SPATA13: variants seen among roughly 807,000 people sequenced by gnomAD.
The protein encoded by SPATA13 is spermatogenesis-associated protein 13.
SPATA13 carries 50 observed loss-of-function variants against 104.0 expected under a neutral mutation model. The observed-to-expected ratio is 0.48, with a 90% CI of 0.38 to 0.61. The LOEUF is 0.61. Among genes scored for constraint, SPATA13 ranks in the 20% least tolerant of loss-of-function variants. The pLI is 0.00. For synonymous variants in SPATA13, 606 were observed against 667.5 expected, an observed-to-expected ratio of 0.91 and a Z score of 1.42; for missense variants, 1,524 against 1,690.6, an observed-to-expected ratio of 0.90 and a Z score of 1.73.
At chr13:24,245,584 C>CTTTTTTTTT (rs61316306) in intron 2 of SPATA13, among the ~76,000 whole-genome samples, 2 of 88,636 alleles carry the variant, frequency 2.3e-5, no homozygotes, top group Non-Finnish European at 4.0e-5. Flanking sequence ...ACAGTTGTTT[C>CTTTTTTTTT]TTTTTTTTTT....
At chr13:24,154,305 A>T (rs1882193584) in intron 3 of SPATA13, among the ~76,000 whole-genome samples, 1 of 152,232 alleles carries the variant, frequency 6.6e-6, no homozygotes, top group African/African-American at 2.4e-5. Flanking sequence ...TCAACAATAG[A>T]ATAGGACATA....
chr13:24,209,113 G>T (rs1460192275), intron 1 of SPATA13, among the ~76,000 whole-genome samples: 5 of 152,176 alleles, frequency 3.3e-5, no homozygotes, highest in Non-Finnish European at 7.3e-5. Context: ...CGGAGGTGCA[G>T]AGATAGACAT....
intron 3 of SPATA13, among the ~76,000 whole-genome samples, chr13:24,114,423 A>G (rs1476562661): frequency 1.0e-5 from 1 of 100,006 alleles, no homozygotes. Flanking sequence ...AGCCTGTCCT[A>G]GTGCCTTACC....
chr13:24,120,350 C>A (rs1211752337), intron 3 of SPATA13, among the ~76,000 whole-genome samples: 1 of 152,240 alleles, frequency 6.6e-6, no homozygotes, highest in Non-Finnish European at 1.5e-5. Context: ...GGGTCACTAA[C>A]TTTGACACTT....
At chr13:24,258,245 A>AAG (rs1873882809) in intron 4 of SPATA13, among the ~76,000 whole-genome samples, 1 of 151,946 alleles carries the variant, frequency 6.6e-6, no homozygotes, top group East Asian at 1.9e-4. Flanking sequence ...CAAAAAAAAA[A>AAG]AAATAAAAAG....
intron 3 of SPATA13, among the ~76,000 whole-genome samples, chr13:24,067,027 C>T (rs535145742): frequency 1.3e-5 from 2 of 152,192 alleles, no homozygotes; most frequent in African/African-American, 2.4e-5. Context: ...CTCAGTATAC[C>T]CAGTTCAGAG....
chr13:24,305,140 ACTTC>A lies in SPATA13; in HGVS notation c.*2369_*2372del, dbSNP rs776697628. 4.1e-4 allele frequency: 63 copies of A among 152,204 alleles called. No individual in the cohort carries two copies. Among genetic ancestry groups the A allele is most frequent in the Non-Finnish European group, 4.0e-4 (27 of 67,980 alleles). The allele number at this position is 152,204 out of a possible 1,614,324, so 9.4% of individuals were successfully genotyped here. A position where few individuals can be genotyped will look rare whatever the true frequency, so the allele number is the denominator to read the frequency against. On this transcript the variant is annotated 3_prime_UTR_variant, in exon 13 of 13. Transcript: ENST00000382108. ...ATTCAGTTTAAGAGTCATTCTTAGG[ACTTC>A]CATTTCCTAATATTTATTCATGGGT...
chr13:24,230,715 A>G (rs931117632), intron 2 of SPATA13, among the ~76,000 whole-genome samples: 16 of 152,204 alleles, frequency 1.1e-4, no homozygotes, highest in African/African-American at 2.4e-4. Flanking sequence ...TGATGCATCT[A>G]TTGTGCTCAG....
chr13:24,201,207 CCT>C (rs1379381771), intron 1 of SPATA13, among the ~76,000 whole-genome samples: 1 of 152,034 alleles, frequency 6.6e-6, no homozygotes, highest in African/African-American at 2.4e-5. Flanking sequence ...GCTGTGACCC[CCT>C]GTCATGTGTA....
chr13:24,098,524 A>G (rs1880150774), intron 3 of SPATA13, among the ~76,000 whole-genome samples: 1 of 151,498 alleles, frequency 6.6e-6, no homozygotes, highest in South Asian at 2.1e-4. Flanking sequence ...CTGAGCCTGG[A>G]CGTTTGAGGC....
chr13:24,121,045 C>A lies in SPATA13; in HGVS notation c.-111-101774C>A, dbSNP rs1271166137. On this transcript the variant is annotated intron_variant, in intron 3 of 14. Transcript: ENST00000424834. ...TTTCTTTTTTTTTCTGAATTAAGTT[C>A]TTTTAATAGATTGCATATATAGATG... 2.0e-5 allele frequency among the ~76,000 whole-genome samples: 3 copies of A among 151,866 alleles called. No homozygotes were observed. In the East Asian group the frequency reaches 5.8e-4, roughly 29 times the overall value.
chr13:24,297,343 A>G lies in SPATA13; in HGVS notation c.3211-20A>G, dbSNP rs769571208. The G allele has an allele frequency of 1.9e-6, 3 of 1,593,326 alleles. No homozygotes were observed. In the East Asian group the frequency reaches 6.7e-5, roughly 36 times the overall value. Reference sequence around the variant, plus strand: ...TGTGGTAGAATTGGAAGGTCTTAAGATGTGTTTTCATCCTTCCAGGGACTG... The same window carrying G: ...TGTGGTAGAATTGGAAGGTCTTAAGGTGTGTTTTCATCCTTCCAGGGACTG... On this transcript the variant is annotated intron_variant, in intron 10 of 12. Transcript: ENST00000382108.
intron 1 of SPATA13, among the ~76,000 whole-genome samples, chr13:24,175,487 A>C (rs1221735665): frequency 6.6e-6 from 1 of 152,164 alleles, no homozygotes; most frequent in Non-Finnish European, 1.5e-5. Flanking sequence ...ACTCTGAAGA[A>C]AACCCAGCTT....
At chr13:24,069,565 G>A (rs1879086709) in intron 3 of SPATA13, among the ~76,000 whole-genome samples, 1 of 152,128 alleles carries the variant, frequency 6.6e-6, no homozygotes, top group Non-Finnish European at 1.5e-5. Context: ...TCTACAAACA[G>A]CGATAATTTG....
At chr13:24,170,591 G>A (rs148959257) in intron 1 of SPATA13, among the ~76,000 whole-genome samples, 86 of 152,256 alleles carry the variant, frequency 5.6e-4, no homozygotes, top group African/African-American at 2.0e-3. Context: ...CATCTCTGTT[G>A]TCCTCAGATT....
chr13:24,273,505 T>C (rs1874765344), intron 4 of SPATA13, among the ~76,000 whole-genome samples: 1 of 152,220 alleles, frequency 6.6e-6, no homozygotes, highest in Non-Finnish European at 1.5e-5. Flanking sequence ...AGATTAGATA[T>C]ACTAGTGACT....
At chr13:24,296,134 A>G (rs1225924853) in intron 10 of SPATA13, among the ~76,000 whole-genome samples, 2 of 152,218 alleles carry the variant, frequency 1.3e-5, no homozygotes, top group Non-Finnish European at 2.9e-5. Context: ...GAAATAGGCT[A>G]TAGGTGGTGA....
intron 3 of SPATA13, among the ~76,000 whole-genome samples, chr13:24,155,268 G>A (rs193141120): frequency 2.0e-5 from 3 of 152,332 alleles, no homozygotes; most frequent in East Asian, 3.9e-4. Flanking sequence ...CCTCTGTGGT[G>A]CTCCATCCCC....
At chr13:24,012,050 T>G (rs1876491811) in intron 2 of SPATA13, among the ~76,000 whole-genome samples, 1 of 152,228 alleles carries the variant, frequency 6.6e-6, no homozygotes, top group Non-Finnish European at 1.5e-5. Context: ...CAGTGGTTTC[T>G]TGCAGCCATT....
Sources: allele counts gnomAD v4.1 joint callset (sites outside exome capture counted in the v4.1 genomes callset), GRCh38; gene constraint gnomAD v4.1.1; transcripts MANE v1.5; gene names NCBI Gene and HGNC (gene_info 2026-07-23, HGNC 2026-07-21).